The following SULT4A1 variants were observed in gnomAD, a reference collection of about 807,000 sequenced individuals.
SULT4A1 encodes the protein sulfotransferase family 4A member 1.
Under a neutral mutation model 35.2 loss-of-function variants are expected in SULT4A1, and 11 were observed. The observed-to-expected ratio is 0.31, with a 90% CI of 0.20 to 0.52. SULT4A1 has a LOEUF of 0.52. Among genes scored for constraint, SULT4A1 ranks in the 20% least tolerant of loss-of-function variants. The pLI, the probability that SULT4A1 is intolerant of heterozygous loss-of-function variation, is 0.97. For missense variants in SULT4A1, 271 were observed against 383.7 expected (o/e 0.71, Z 2.45); for synonymous variants, 152 against 151.8 (o/e 1.00, Z -0.01).
intron 5 of SULT4A1, among the ~76,000 whole-genome samples, chr22:43,830,172 G>A (rs965409000): frequency 2.6e-5 from 4 of 152,170 alleles, no homozygotes; most frequent in African/African-American, 7.2e-5. Flanking sequence ...AGAGTCAGAG[G>A]AACAGTTATT....
rs1390331172 is a variant in SULT4A1, at chr22:43,833,677, G to C, written c.566C>G (p.Ser189Trp). The C allele has an allele frequency of 6.3e-7, 1 of 1,594,238 alleles. No homozygotes were observed. Among genetic ancestry groups the C allele is most frequent in the South Asian group, 1.1e-5 (1 of 88,030 alleles). The change falls in exon 5 of 7, where the codon TCG becomes TGG. Residue 189 changes from serine (S) to tryptophan (W), a missense_variant. By Grantham distance (177) the Ser-to-Trp change is radical. Around this residue, in one of 3 missense-constraint regions of SULT4A1, gnomAD observed 75 missense variants for 67.7 expected, o/e 1.11. Coordinates refer to ENST00000330884, the MANE Select transcript of SULT4A1 (RefSeq NM_014351.4). ...TTCATACTTGAGAAAAAGCACGTTC[G>C]AGTCCATGCGGTGCTCCCAGAACTC... ...VQEFWEHRMD[S>W]NVLFLKYEDM...
At chr22:43,833,600 G>T in intron 5 of SULT4A1, 40 bp downstream of exon 5, 1 of 1,544,134 alleles carries the variant, frequency 6.5e-7, no homozygotes, top group Non-Finnish European at 8.8e-7. Context: ...CAGGCCGAGG[G>T]CCAGGGCACC....
chr22:43,858,049 CAAAA>C (rs11362056), intron 1 of SULT4A1, among the ~76,000 whole-genome samples: 2 of 91,758 alleles, frequency 2.2e-5, no homozygotes, highest in Non-Finnish European at 4.0e-5. Flanking sequence ...GATCCTGTCT[CAAAA>C]AAAAAAAAAA....
chr22:43,858,935 A>C (rs1236851991), intron 1 of SULT4A1, among the ~76,000 whole-genome samples: 1 of 152,150 alleles, frequency 6.6e-6, no homozygotes, highest in Non-Finnish European at 1.5e-5. Flanking sequence ...TCCTCCATGC[A>C]GTCTCCCGAG....
rs746482439 is a variant in SULT4A1, at chr22:43,833,609, C to G, written c.603+31G>C. 8.3e-6 allele frequency: 13 copies of G among 1,565,012 alleles called. No individual in the cohort carries two copies. The African/African-American group carries it at 1.5e-4, about 18-fold the overall frequency. On this transcript the variant is annotated intron_variant, in intron 5 of 6. Coordinates refer to ENST00000330884, the MANE Select transcript of SULT4A1 (RefSeq NM_014351.4). ...AGCTGCCAGGCCGAGGGCCAGGGCA[C>G]CCGGAGGACAGCTGCTCCGGCAGCA...
intron 1 of SULT4A1, among the ~76,000 whole-genome samples, chr22:43,848,952 G>A: frequency 6.6e-6 from 1 of 152,264 alleles, no homozygotes; most frequent in Admixed American, 6.5e-5. Flanking sequence ...TCGGCTGGAA[G>A]CAGTAATTCA....
At chr22:43,853,410 GC>G (rs1215392818) in intron 1 of SULT4A1, among the ~76,000 whole-genome samples, 1 of 152,220 alleles carries the variant, frequency 6.6e-6, no homozygotes, top group Non-Finnish European at 1.5e-5. Context: ...ACGAATTGCA[GC>G]CATCCCCACC....
In SULT4A1 at chr22:43,825,837, T is replaced by G; in HGVS notation, c.*164A>C. On this transcript the variant is annotated 3_prime_UTR_variant, in exon 7 of 7. Coordinates refer to ENST00000330884, the MANE Select transcript of SULT4A1 (RefSeq NM_014351.4). ...CTAAAGGCGAGACAGCTGCTTTCGGTTGGGAATCATCACACTCCCTCCGCT... is the reference window on the plus strand; with the variant it reads ...CTAAAGGCGAGACAGCTGCTTTCGGGTGGGAATCATCACACTCCCTCCGCT... 2 of 652,544 alleles carry G rather than the reference T, an allele frequency of 3.1e-6. No individual in the cohort carries two copies. Among genetic ancestry groups the G allele is most frequent in the Non-Finnish European group, 5.2e-6 (2 of 383,622 alleles). The allele number at this position is 652,544 out of a possible 1,614,324, so 40.4% of individuals were successfully genotyped here. A position where few individuals can be genotyped will look rare whatever the true frequency, so the allele number is the denominator to read the frequency against.
chr22:43,847,379 G>C (rs1311236017), intron 1 of SULT4A1, among the ~76,000 whole-genome samples: 1 of 152,244 alleles, frequency 6.6e-6, no homozygotes, highest in African/African-American at 2.4e-5. Flanking sequence ...CAGCTTTGAA[G>C]ACAGCCCTAG....
chr22:43,829,096 G>C lies in SULT4A1; in HGVS notation c.706C>G (p.Gln236Glu). ...GGCAGGGCCTCAGCGTTGCAGCACT[G>C]GTCCACCAGCTGGTGGCAGTGCTCC... The part of the protein sequence containing the change: ...LTEHCHQLVD[Q>E]CCNAEALPVG... The change falls in exon 6 of 7, where the codon CAG becomes GAG. Residue 236 changes from glutamine (Q) to glutamate (E), a missense_variant. Gln to Glu is a conservative substitution (Grantham distance 29). Coordinates refer to ENST00000330884, the MANE Select transcript of SULT4A1 (RefSeq NM_014351.4). 2 of 1,551,540 alleles carry C rather than the reference G, an allele frequency of 1.3e-6. No homozygotes were observed. Among genetic ancestry groups the C allele is most frequent in the Non-Finnish European group, 8.7e-7 (1 of 1,147,178 alleles).
intron 4 of SULT4A1, among the ~76,000 whole-genome samples, chr22:43,837,599 G>A (rs1374479632): frequency 6.6e-6 from 1 of 152,284 alleles, no homozygotes; most frequent in Admixed American, 6.5e-5. Context: ...ACCCCTTGCA[G>A]GCAGGGCCAC....
At chr22:43,837,717 G>A (rs2063388491) in intron 4 of SULT4A1, among the ~76,000 whole-genome samples, 2 of 152,186 alleles carry the variant, frequency 1.3e-5, no homozygotes, top group South Asian at 4.1e-4. Context: ...GAGTCAGCCT[G>A]TGGCGCCCTG....
At chr22:43,846,584 G>A (rs1261652575) in intron 1 of SULT4A1, among the ~76,000 whole-genome samples, 1 of 152,218 alleles carries the variant, frequency 6.6e-6, no homozygotes, top group Non-Finnish European at 1.5e-5. Context: ...GGAAGGAAGT[G>A]GTCTGGCTTG....
intron 3 of SULT4A1, among the ~76,000 whole-genome samples, chr22:43,839,302 A>T (rs560457922): frequency 6.6e-6 from 1 of 152,268 alleles, no homozygotes; most frequent in African/African-American, 2.4e-5. Flanking sequence ...TGGTAAGAAC[A>T]CAGGCCTCTG....
chr22:43,859,850 C>G (rs1412897745), intron 1 of SULT4A1, among the ~76,000 whole-genome samples: 2 of 152,182 alleles, frequency 1.3e-5, no homozygotes, highest in Non-Finnish European at 2.9e-5. Context: ...AGAATTTCCA[C>G]TTTTATTTCA....
chr22:43,853,429 T>C (rs2049366286), intron 1 of SULT4A1, among the ~76,000 whole-genome samples: 1 of 148,044 alleles, frequency 6.8e-6, no homozygotes, highest in Non-Finnish European at 1.5e-5. Context: ...ACCCCACCCC[T>C]GCCCACTCTG....
chr22:43,859,824 G>A (rs1195312008), intron 1 of SULT4A1, among the ~76,000 whole-genome samples: 1 of 152,232 alleles, frequency 6.6e-6, no homozygotes, highest in Non-Finnish European at 1.5e-5. Context: ...GAAACATGGT[G>A]ATGCTACTGA....
At position 43,841,952 on chromosome 22, in the gene SULT4A1, G is replaced by A; in HGVS notation, c.170-20C>T. 6.2e-7 allele frequency: 1 copy of A among 1,610,070 alleles called. No homozygotes were observed. ...TGGTGCCTGGAGGGGAGAAGCCCCA[G>A]CGCGGGGTGCTCAGAGGAGGCCCAC... On this transcript the variant is annotated intron_variant, in intron 1 of 6. Coordinates refer to ENST00000330884, the MANE Select transcript of SULT4A1 (RefSeq NM_014351.4).
At chr22:43,852,992 T>A (rs2049358831) in intron 1 of SULT4A1, among the ~76,000 whole-genome samples, 1 of 151,898 alleles carries the variant, frequency 6.6e-6, no homozygotes, top group East Asian at 1.9e-4. Flanking sequence ...AAACTTTCGC[T>A]CCAGAACCAG....
Sources: allele counts gnomAD v4.1 joint callset (sites outside exome capture counted in the v4.1 genomes callset), GRCh38; gene constraint gnomAD v4.1.1; regional missense constraint gnomAD v4.1.1; transcripts MANE v1.5; gene names NCBI Gene and HGNC (gene_info 2026-07-23, HGNC 2026-07-21).